Variants in MMP14 observed in about 807,000 individuals in gnomAD.
MMP14 encodes the protein matrix metalloproteinase-14.
In MMP14, 13 loss-of-function variants were observed where a neutral mutation model predicts 64.8. The observed-to-expected ratio is 0.20, with a 90% CI of 0.13 to 0.32. The LOEUF (loss-of-function observed/expected upper bound fraction) is 0.32, where lower values mean the gene tolerates loss of function less well. Ranked by LOEUF, MMP14 falls within the 10% of genes least tolerant of loss-of-function variation. The pLI, the probability that MMP14 is intolerant of heterozygous loss-of-function variation, is 1.00. For missense variants in MMP14, 594 were observed against 783.8 expected (o/e 0.76, Z 2.89); for synonymous variants, 322 against 315.9 (o/e 1.02, Z -0.20).
rs1165529418 is a variant in MMP14 at position 22,836,597 on chromosome 14, G to C, written c.-221G>C. 1 of 459,408 alleles carries C rather than the reference G, an allele frequency of 2.2e-6. No homozygotes were observed. Among genetic ancestry groups the C allele is most frequent in the African/African-American group, 2.0e-5 (1 of 48,880 alleles). The allele number at this position is 459,408 out of a possible 1,614,324, so 28.5% of individuals were successfully genotyped here. A position where few individuals can be genotyped will look rare whatever the true frequency, so the allele number is the denominator to read the frequency against. ...GAGAGAGGGAACCAGACCCCAGTTC[G>C]CCGACTAAGCAGAAGAAAGATCAAA... is the stretch of plus-strand genomic sequence containing the variant. On this transcript the variant is annotated 5_prime_UTR_variant, in exon 1 of 10. Coordinates refer to ENST00000311852, the MANE Select transcript of MMP14 (RefSeq NM_004995.4).
Position 22,846,240 on chromosome 14 carries a change from A to AGGTCCCCTGAGGGCTGAGTGG in MMP14, c.*203_*223dup. On this transcript the variant is annotated 3_prime_UTR_variant, in exon 10 of 10. Transcript: ENST00000311852. Reference sequence around the variant, plus strand: ...CCCCGGCATTGCATCTTCCCTAGATAGGTCCCCTGAGGGCTGAGTGGGAGG... The same window carrying AGGTCCCCTGAGGGCTGAGTGG: ...CCCCGGCATTGCATCTTCCCTAGATAGGTCCCCTGAGGGCTGAGTGGGGTCCCCTGAGGGCTGAGTGGGAGG... 1 of 570,918 alleles carries AGGTCCCCTGAGGGCTGAGTGG rather than the reference A, an allele frequency of 1.8e-6. No individual in the cohort carries two copies. Among genetic ancestry groups the AGGTCCCCTGAGGGCTGAGTGG allele is most frequent in the Admixed American group, 3.3e-5 (1 of 29,890 alleles). The allele number at this position is 570,918 out of a possible 1,614,324, so 35.4% of individuals were successfully genotyped here.
In MMP14 at chr14:22,842,398, G is replaced by A. The variant is rs771764540; in HGVS notation, c.381-12G>A. ...ACACACCCCATCCTCTCCCCACGTG[G>A]CTGGACCTCAGCATCCAGAATTACA... On this transcript the variant is annotated splice_polypyrimidine_tract_variant and intron_variant, in intron 3 of 9. Transcript: ENST00000311852. The surrounding 1 kb of genome is among the most constrained non-coding windows in gnomAD (Gnocchi z 5.3). 1.2e-6 allele frequency: 2 copies of A among 1,603,268 alleles called. No individual in the cohort carries two copies. The highest frequency in any genetic ancestry group is 1.7e-6 in the Non-Finnish European group (2 of 1,173,704).
chr14:22,844,673 C>G lies in MMP14; in HGVS notation c.1194C>G (p.Gly398=). The stretch of plus-strand genomic sequence containing the variant: ...TTGATGAGGCGTCCCTGGAACCTGG[C>G]TACCCCAAGCACATTAAGGAGCTGG... ...WVFDEASLEP[G]YPKHIKELGR... Residue 398 remains glycine (G), a synonymous_variant, in exon 8 of 10, where the codon GGC becomes GGG. Coordinates refer to ENST00000311852, the MANE Select transcript of MMP14 (RefSeq NM_004995.4). 2 of 1,614,142 alleles carry G rather than the reference C, an allele frequency of 1.2e-6. No homozygotes were observed. Among genetic ancestry groups the G allele is most frequent in the Non-Finnish European group, 1.7e-6 (2 of 1,180,032 alleles).
Position 22,841,595 on chromosome 14 carries a change from T to G in MMP14, c.213T>G (p.Phe71Leu). 1 of 1,614,122 alleles carries G rather than the reference T, an allele frequency of 6.2e-7. No homozygotes were observed. The highest frequency in any genetic ancestry group is 8.5e-7 in the Non-Finnish European group (1 of 1,180,026). The change falls in exon 2 of 10, where the codon TTT becomes TTG. Residue 71 changes from phenylalanine (F) to leucine (L), a missense_variant. Physicochemically the swap from Phe to Leu is conservative, Grantham distance 22 (BLOSUM62 0). Coordinates refer to ENST00000311852, the MANE Select transcript of MMP14 (RefSeq NM_004995.4). ...LSAAIAAMQKFYGLQVTGKAD... is the reference protein window; with the variant it reads ...LSAAIAAMQKLYGLQVTGKAD... ...CGGCCATCGCTGCCATGCAGAAGTT[T>G]TACGGCTTGCAAGTAACAGGCAAAG...
chr14:22,840,307 G>C (rs1324074040), intron 1 of MMP14, among the ~76,000 whole-genome samples: 1 of 152,168 alleles, frequency 6.6e-6, no homozygotes. Context: ...ATACTCCATT[G>C]TTCTTACAAT....
intron 1 of MMP14, chr14:22,837,239 T>C (rs2039740426): frequency 3.6e-6 from 2 of 552,420 alleles, no homozygotes; most frequent in Non-Finnish European, 6.9e-6. Flanking sequence ...CCTTGGGCTC[T>C]GCTCTCAGCT....
Position 22,843,265 on chromosome 14 carries a change from A to G in MMP14, c.697A>G (p.Ile233Val), listed in dbSNP as rs17884841. Residue 233 changes from isoleucine to valine, a missense_variant, in exon 5 of 10, where the codon ATC (isoleucine) becomes GTC (valine). Ile to Val is a conservative substitution (Grantham distance 29). Coordinates refer to ENST00000311852, the MANE Select transcript of MMP14 (RefSeq NM_004995.4). This position sits in a 1 kb window ranked among gnomAD's most constrained non-coding sequence, Gnocchi z 4.8. ...TGTCCCCATCCTTCCAGGAAATGAC[A>G]TCTTCCTGGTGGCTGTGCACGAGCT... ...VRNEDLNGND[I>V]FLVAVHELGH... 1.3e-3 allele frequency: 2,124 copies of G among 1,613,450 alleles called. 27 individuals are homozygous for G. In the African/African-American group the frequency reaches 0.024, roughly 18 times the overall value.
chr14:22,847,643 TG>T lies in MMP14; in HGVS notation c.*1611del, dbSNP rs936574065. The T allele has an allele frequency of 0.039, 220 of 5,694 alleles. No individual in the cohort carries two copies. The highest frequency in any genetic ancestry group is 0.062 in the Non-Finnish European group (171 of 2,776). 0.4% of individuals were successfully genotyped at this position (5,694 alleles called of 1,614,324 possible). ...CAAGGGGCATGGGGAGGGGTGGGGG[TG>T]GGGGGGCAGAGGCGTCTGACCCCAG... is the stretch of plus-strand genomic sequence containing the variant. On this transcript the variant is annotated 3_prime_UTR_variant, in exon 10 of 10. Transcript: ENST00000311852.
chr14:22,837,218 T>G, intron 1 of MMP14: 3 of 577,240 alleles, frequency 5.2e-6, no homozygotes, highest in East Asian at 3.9e-5. Context: ...GAACTCCCCC[T>G]TCCCCGATTC....
In MMP14 at chr14:22,844,000, AGGCTG is replaced by A. The variant is rs2039793068; in HGVS notation, c.1011+132_1011+136del. The A allele has an allele frequency of 2.5e-6, 3 of 1,195,232 alleles. No homozygotes were observed. The African/African-American group carries it at 4.7e-5, about 19-fold the overall frequency. 74.0% of individuals were successfully genotyped at this position (1,195,232 alleles called of 1,614,324 possible). A position where few individuals can be genotyped will look rare whatever the true frequency, so the allele number is the denominator to read the frequency against. Reference sequence around the variant, plus strand: ...CACCTGAGGTCTGGAGTTCGAGAGCAGGCTGGCCAACATAGTGAAACCCCGTCTCT... The same window carrying A: ...CACCTGAGGTCTGGAGTTCGAGAGCAGCCAACATAGTGAAACCCCGTCTCT... On this transcript the variant is annotated intron_variant, in intron 6 of 9. Transcript: ENST00000311852. The surrounding 1 kb of genome is among the most constrained non-coding windows in gnomAD (Gnocchi z 4.8).
In MMP14 at chr14:22,836,789, C is replaced by G. The variant is rs2039734319; in HGVS notation, c.-29C>G. The G allele has an allele frequency of 2.7e-6, 4 of 1,501,304 alleles. No individual in the cohort carries two copies. The highest frequency in any genetic ancestry group is 1.2e-5 in the South Asian group (1 of 82,742). The allele number at this position is 1,501,304 out of a possible 1,614,324, so 93.0% of individuals were successfully genotyped here. A position where few individuals can be genotyped will look rare whatever the true frequency, so the allele number is the denominator to read the frequency against. On this transcript the variant is annotated 5_prime_UTR_variant, in exon 1 of 10. Transcript: ENST00000311852. ...CGTGGGCCCGGCCGCGGAGCCCACA[C>G]TGCCCGGCTGACCCGGTGGTCTCGG...
chr14:22,841,408 C>T, intron 1 of MMP14, 83 bp from the exon 2 acceptor site: 1 of 1,552,302 alleles, frequency 6.4e-7, no homozygotes. Context: ...CAAGCCAAGG[C>T]TGTATGCTGG....
Position 22,843,899 on chromosome 14 carries a change from C to T in MMP14, c.1011+29C>T. 1 of 1,603,500 alleles carries T rather than the reference C, an allele frequency of 6.2e-7. No homozygotes were observed. Among genetic ancestry groups the T allele is most frequent in the Non-Finnish European group, 8.5e-7 (1 of 1,177,480 alleles). ...AGAAGAAGTGGGCTGGTTTGAAAGA[C>T]AAAAGGGCCCTATGGGCTGGGCATG... On this transcript the variant is annotated intron_variant, in intron 6 of 9. Coordinates refer to ENST00000311852, the MANE Select transcript of MMP14 (RefSeq NM_004995.4). This position sits in a 1 kb window ranked among gnomAD's most constrained non-coding sequence, Gnocchi z 4.8.
chr14:22,841,515 C>T lies in MMP14; in HGVS notation c.133C>T (p.Leu45=), dbSNP rs932945585. The change falls in exon 2 of 10, where the codon CTG becomes TTG. Residue 45 remains leucine (L), a synonymous_variant. Coordinates refer to ENST00000311852, the MANE Select transcript of MMP14 (RefSeq NM_004995.4). ...PEAWLQQYGY[L]PPGDLRTHTQ... ...GGCCTGGCTACAGCAATATGGCTAC[C>T]TGCCTCCCGGGGACCTACGTACCCA... The T allele has an allele frequency of 2.5e-6, 4 of 1,614,028 alleles. No individual in the cohort carries two copies. The African/African-American group carries it at 5.3e-5, about 22-fold the overall frequency.
Position 22,836,632 on chromosome 14 carries a change from A to G in MMP14, c.-186A>G. On this transcript the variant is annotated 5_prime_UTR_variant, in exon 1 of 10. Transcript: ENST00000311852. ...CAGAAGAAAGATCAAAAACCGGAAAAGAGGAGAAGAGCAAACAGGCACTTT... is the reference window on the plus strand; with the variant it reads ...CAGAAGAAAGATCAAAAACCGGAAAGGAGGAGAAGAGCAAACAGGCACTTT... 2.0e-6 allele frequency: 1 copy of G among 489,064 alleles called. No homozygotes were observed. The highest frequency in any genetic ancestry group is 3.8e-5 in the South Asian group (1 of 26,630). The allele number at this position is 489,064 out of a possible 1,614,324, so 30.3% of individuals were successfully genotyped here. A position where few individuals can be genotyped will look rare whatever the true frequency, so the allele number is the denominator to read the frequency against.
rs2039788336 is a variant in MMP14, at chr14:22,843,516, C to A, written c.850+98C>A. 1 of 1,468,960 alleles carries A rather than the reference C, an allele frequency of 6.8e-7. No individual in the cohort carries two copies. The highest frequency in any genetic ancestry group is 9.2e-7 in the Non-Finnish European group (1 of 1,082,074). 91.0% of individuals were successfully genotyped at this position (1,468,960 alleles called of 1,614,324 possible). On this transcript the variant is annotated intron_variant, in intron 5 of 9. Transcript: ENST00000311852. This position sits in a 1 kb window ranked among gnomAD's most constrained non-coding sequence, Gnocchi z 4.8. ...TTTATGCCTTGCAGTCTCCGCACCG[C>A]CCCCTGCCAACCTGCCCCTGCCTCT...
intron 1 of MMP14, chr14:22,837,325 T>C: frequency 2.2e-6 from 1 of 463,152 alleles, no homozygotes; most frequent in Non-Finnish European, 4.3e-6. Context: ...CGCGAGAGTT[T>C]GTTGTTTCTT....
chr14:22,840,174 C>G (rs1416349355), intron 1 of MMP14, among the ~76,000 whole-genome samples: 3 of 152,158 alleles, frequency 2.0e-5, no homozygotes, highest in Non-Finnish European at 2.9e-5. Flanking sequence ...ACCCTGTTGG[C>G]TAGGCTGGTC....
rs746849048 is a variant in MMP14, at chr14:22,844,644, G to A, written c.1165G>A (p.Val389Met). The A allele has an allele frequency of 6.2e-7, 1 of 1,614,134 alleles. No homozygotes were observed. Among genetic ancestry groups the A allele is most frequent in the Non-Finnish European group, 8.5e-7 (1 of 1,180,024 alleles). ...FVFFKGDKHW[V>M]FDEASLEPGY... is the part of the protein sequence containing the mutation. ...GTCCTCCCCAGGAGACAAGCATTGG[G>A]TGTTTGATGAGGCGTCCCTGGAACC... The change falls in exon 8 of 10, where the codon GTG (valine) becomes ATG (methionine). Residue 389 changes from valine (V) to methionine (M), a missense_variant. Physicochemically the swap from Val to Met is conservative, Grantham distance 21. Transcript: ENST00000311852.
Sources: gnomAD v4.1 joint callset for allele counts (sites outside exome capture counted in the v4.1 genomes callset) on GRCh38, gnomAD v4.1.1 for gene constraint, Gnocchi (gnomAD v3.1) non-coding constraint, MANE v1.5 for transcripts, NCBI Gene and HGNC (gene_info 2026-07-23, HGNC 2026-07-21) for gene names.